WDR25: variants seen among roughly 807,000 people sequenced by gnomAD.
WDR25 encodes the protein WD repeat-containing protein 25.
In WDR25, 35 loss-of-function variants were observed where a neutral mutation model predicts 47.7. The observed-to-expected ratio is 0.73, with a 90% CI of 0.56 to 0.97. The LOEUF (loss-of-function observed/expected upper bound fraction) is 0.97, where lower values mean the gene tolerates loss of function less well. Among genes scored for constraint, WDR25 ranks in the 50% least tolerant of loss-of-function variants. WDR25 has a pLI of 0.00. For missense variants in WDR25, 634 were observed against 704.7 expected (o/e 0.90, Z 1.14); for synonymous variants, 248 against 278.9 (o/e 0.89, Z 1.10).
At chr14:100,475,884 A>G (rs1899998913) in intron 3 of WDR25, among the ~76,000 whole-genome samples, 1 of 148,394 alleles carries the variant, frequency 6.7e-6, no homozygotes, top group African/African-American at 2.6e-5. Context: ...TTGTACCCCC[A>G]AATATATATA....
At position 100,502,473 on chromosome 14, in the gene WDR25, C is replaced by T. The variant is rs1200465140; in HGVS notation, c.1101+18349C>T. On this transcript the variant is annotated intron_variant, in intron 4 of 6. Transcript: ENST00000402312. This position sits in a 1 kb window ranked among gnomAD's most constrained non-coding sequence, Gnocchi z 4.5. Reference sequence around the variant, plus strand: ...CCTTCCTGCTGCGAGTAGTCAGCTCCCTCTCCTGGAGCTGGGGGAGCTGGG... The same window carrying T: ...CCTTCCTGCTGCGAGTAGTCAGCTCTCTCTCCTGGAGCTGGGGGAGCTGGG... Among the ~76,000 whole-genome samples, 5 of 152,234 alleles carry T rather than the reference C, an allele frequency of 3.3e-5. No homozygotes were observed. Among genetic ancestry groups the T allele is most frequent in the Non-Finnish European group, 7.3e-5 (5 of 68,044 alleles).
chr14:100,511,647 G>T (rs1340957652), intron 4 of WDR25, among the ~76,000 whole-genome samples: 6 of 151,070 alleles, frequency 4.0e-5, no homozygotes, highest in African/African-American at 1.5e-4. Flanking sequence ...GAACAGTGTT[G>T]TCTAGAAGTG....
At chr14:100,412,346 G>C (rs1897735765) in intron 2 of WDR25, among the ~76,000 whole-genome samples, 1 of 152,182 alleles carries the variant, frequency 6.6e-6, no homozygotes, top group Admixed American at 6.5e-5. Context: ...TCGGTATTAG[G>C]TGCTCAGGAA....
chr14:100,409,218 G>C (rs1321030725), intron 2 of WDR25, among the ~76,000 whole-genome samples: 1 of 152,224 alleles, frequency 6.6e-6, no homozygotes. Context: ...GAGACCCAGT[G>C]ATCCGGCTCC....
At chr14:100,399,377 C>G (rs1440752081) in intron 2 of WDR25, among the ~76,000 whole-genome samples, 1 of 151,770 alleles carries the variant, frequency 6.6e-6, no homozygotes. Context: ...ATTCCTTTCC[C>G]TTCCTTCTCT....
chr14:100,483,672 G>T (rs1290183917), intron 3 of WDR25, among the ~76,000 whole-genome samples: 1 of 152,182 alleles, frequency 6.6e-6, no homozygotes, highest in East Asian at 1.9e-4. Context: ...TGGGCATAGG[G>T]TCGTTGCATG....
At chr14:100,413,506 C>T (rs1161314443) in intron 2 of WDR25, among the ~76,000 whole-genome samples, 4 of 151,902 alleles carry the variant, frequency 2.6e-5, no homozygotes, top group East Asian at 1.9e-4. Context: ...CTCCGCCTCC[C>T]GGGTTCACGC....
intron 2 of WDR25, among the ~76,000 whole-genome samples, chr14:100,416,415 G>A (rs1346056445): frequency 6.6e-6 from 1 of 152,200 alleles, no homozygotes; most frequent in Non-Finnish European, 1.5e-5. Context: ...AGCCCAAACA[G>A]TACGGGATGC....
intron 3 of WDR25, chr14:100,481,106 A>AAAAAAAAAAAAAAAAAAAAAAAAAAAG: frequency 2.6e-5 from 1 of 38,338 alleles, no homozygotes; most frequent in East Asian, 1.0e-3. Flanking sequence ...AAAAGTGCAA[A>AAAAAAAAAAAAAAAAAAAAAAAAAAAG]AAAAAAAAAA....
chr14:100,429,296 G>A (rs1029927534), intron 2 of WDR25, among the ~76,000 whole-genome samples: 1 of 152,134 alleles, frequency 6.6e-6, no homozygotes. Flanking sequence ...GTGGGGAGGT[G>A]GGCTGTGTGT....
At chr14:100,524,050 C>T (rs1011456640) in intron 4 of WDR25, among the ~76,000 whole-genome samples, 3 of 152,138 alleles carry the variant, frequency 2.0e-5, no homozygotes, top group Non-Finnish European at 4.4e-5. Flanking sequence ...GCCCATAACA[C>T]GGCTTGTTTC....
chr14:100,453,078 A>C (rs1374683022), intron 2 of WDR25, among the ~76,000 whole-genome samples: 1 of 152,068 alleles, frequency 6.6e-6, no homozygotes, highest in Admixed American at 6.5e-5. Flanking sequence ...GAAGGGCATA[A>C]AGGAGGACCT....
At chr14:100,493,158 G>A (rs1190125782) in intron 4 of WDR25, among the ~76,000 whole-genome samples, 1 of 152,138 alleles carries the variant, frequency 6.6e-6, no homozygotes, top group African/African-American at 2.4e-5. Context: ...ATTCTGTATT[G>A]TACAACTCAC....
intron 2 of WDR25, among the ~76,000 whole-genome samples, chr14:100,405,123 A>G (rs983657533): frequency 6.6e-6 from 1 of 151,734 alleles, no homozygotes; most frequent in Non-Finnish European, 1.5e-5. Context: ...AAGCTTCAAC[A>G]AGGATGCTGA....
In WDR25 at chr14:100,404,592, C is replaced by G. The variant is rs150476344; in HGVS notation, c.822+22846C>G. ...CCCTTGGGGGAAGTGCAAATGCATC[C>G]TTATCTCTGTAGTGCTTCCTCCCAG... On this transcript the variant is annotated intron_variant, in intron 2 of 6. Coordinates refer to ENST00000402312, the MANE Select transcript of WDR25 (RefSeq NM_001161476.3). This position sits in a 1 kb window ranked among gnomAD's most constrained non-coding sequence, Gnocchi z 4.6. Among the ~76,000 whole-genome samples, 816 of 152,256 alleles carry G rather than the reference C, an allele frequency of 5.4e-3. 6 individuals are homozygous for G. The highest frequency in any genetic ancestry group is 0.017 in the East Asian group (87 of 5,160).
In WDR25 at chr14:100,394,063, T is replaced by C. The variant is rs144086105; in HGVS notation, c.822+12317T>C. ...ATGTGTGAAACCACTCTGTAAACGA[T>C]AACGCTCTTACAAATGGAAGGTATT... On this transcript the variant is annotated intron_variant, in intron 2 of 6. Coordinates refer to ENST00000402312, the MANE Select transcript of WDR25 (RefSeq NM_001161476.3). 3.0e-3 allele frequency among the ~76,000 whole-genome samples: 455 copies of C among 152,320 alleles called. 2 individuals carry two copies. The highest frequency in any genetic ancestry group is 9.9e-3 in the African/African-American group (412 of 41,570).
intron 2 of WDR25, among the ~76,000 whole-genome samples, chr14:100,426,623 C>T (rs993505100): frequency 6.6e-6 from 1 of 152,238 alleles, no homozygotes; most frequent in Non-Finnish European, 1.5e-5. Flanking sequence ...TCTGCCCCTT[C>T]CCTGAGCCCC....
chr14:100,398,546 A>G (rs1897309487), intron 2 of WDR25, among the ~76,000 whole-genome samples: 2 of 151,992 alleles, frequency 1.3e-5, no homozygotes, highest in South Asian at 4.2e-4. Context: ...GAGAGTTCCT[A>G]TGTACCCTTC....
chr14:100,467,969 T>C (rs1899693488), intron 2 of WDR25, 52 bp from the exon 3 acceptor site: 4 of 1,608,260 alleles, frequency 2.5e-6, no homozygotes, highest in Non-Finnish European at 3.4e-6. Flanking sequence ...AGCTGAGCCC[T>C]GGAGATCAGG....
Sources: allele counts gnomAD v4.1 joint callset (sites outside exome capture counted in the v4.1 genomes callset), GRCh38; gene constraint gnomAD v4.1.1; non-coding constraint Gnocchi (gnomAD v3.1); transcripts MANE v1.5; gene names NCBI Gene and HGNC (gene_info 2026-07-23, HGNC 2026-07-21).